The following ZC3HAV1 variants were observed in gnomAD, a reference collection of about 807,000 sequenced individuals.
ZC3HAV1 encodes the protein zinc finger CCCH-type containing, antiviral 1, also known as zinc finger CCCH-type antiviral protein 1.
ZC3HAV1 carries 41 observed loss-of-function variants against 86.6 expected under a neutral mutation model. The observed-to-expected ratio is 0.47, with a 90% confidence interval of 0.37 to 0.61. The LOEUF is 0.61. Among genes scored for constraint, ZC3HAV1 ranks in the 20% least tolerant of loss-of-function variants. The pLI is 0.00. For synonymous variants in ZC3HAV1, 421 were observed against 432.1 expected (o/e 0.97, Z 0.32); for missense variants, 964 against 1,141.1 (o/e 0.84, Z 2.24).
intron 1 of ZC3HAV1, among the ~76,000 whole-genome samples, chr7:139,095,555 C>T (rs557297449): frequency 6.6e-6 from 1 of 152,256 alleles, no homozygotes; most frequent in African/African-American, 2.4e-5. Flanking sequence ...CAGCCTGCAC[C>T]GAGGAGGAAG....
At chr7:139,103,729 A>G (rs144687063) in intron 1 of ZC3HAV1, among the ~76,000 whole-genome samples, 240 of 152,334 alleles carry the variant, frequency 1.6e-3, no homozygotes, top group African/African-American at 5.6e-3. Context: ...GAAATATACT[A>G]TATATCCATT....
In ZC3HAV1 at chr7:139,047,493, TGA is replaced by T; in HGVS notation, c.*99_*100del. ...CCACTGATCTAAGACATTAGATAAC[TGA>T]GCAGGAAAATATAAAACTTTAACTC... On this transcript the variant is annotated 3_prime_UTR_variant, in exon 13 of 13. Coordinates refer to ENST00000242351, the MANE Select transcript of ZC3HAV1 (RefSeq NM_020119.4). 1 of 1,525,128 alleles carries T rather than the reference TGA, an allele frequency of 6.6e-7. No individual in the cohort carries two copies. Among genetic ancestry groups the T allele is most frequent in the South Asian group, 1.2e-5 (1 of 83,174 alleles). 94.5% of individuals were successfully genotyped at this position (1,525,128 alleles called of 1,614,324 possible).
rs1360048448 is a variant in ZC3HAV1 at position 139,108,092 on chromosome 7, C to T, written c.308+932G>A. ...TGAGTTTGACTCCATGGACAGGACA[C>T]ACGCGGGAGAGGAAGGGCTTGGGAT... is the stretch of plus-strand genomic sequence containing the variant. On this transcript the variant is annotated intron_variant, in intron 1 of 12. Coordinates refer to ENST00000242351, the MANE Select transcript of ZC3HAV1 (RefSeq NM_020119.4). This position sits in a 1 kb window ranked among gnomAD's most constrained non-coding sequence, Gnocchi z 4.2. 6.6e-6 allele frequency among the ~76,000 whole-genome samples: 1 copy of T among 152,102 alleles called. No homozygotes were observed. The highest frequency in any genetic ancestry group is 1.5e-5 in the Non-Finnish European group (1 of 68,022).
chr7:139,058,448 C>A (rs943930244), intron 9 of ZC3HAV1, among the ~76,000 whole-genome samples: 5 of 147,440 alleles, frequency 3.4e-5, no homozygotes, highest in South Asian at 2.2e-4. Flanking sequence ...CAACCCCCCC[C>A]CCCCCCACAA....
intron 1 of ZC3HAV1, among the ~76,000 whole-genome samples, chr7:139,097,410 A>ATTTTTTT (rs1563140546): frequency 6.8e-5 from 5 of 73,120 alleles, no homozygotes; most frequent in Non-Finnish European, 4.9e-5. Context: ...CCATATATAT[A>ATTTTTTT]TATATATATA....
At chr7:139,053,816 G>C in intron 11 of ZC3HAV1, 149 bp downstream of exon 11, 1 of 910,682 alleles carries the variant, frequency 1.1e-6, no homozygotes, top group Non-Finnish European at 1.5e-6. Context: ...AGAAGCCAGA[G>C]TTGATAGAAT....
chr7:139,052,920 CAA>C (rs58092347), intron 12 of ZC3HAV1, among the ~76,000 whole-genome samples: 13,086 of 120,566 alleles, frequency 0.11, 1,156 homozygotes, highest in African/African-American at 0.27. Context: ...GACCCTGTCT[CAA>C]AAAAAAAAAA....
At chr7:139,088,344 T>C (rs1333700444) in intron 2 of ZC3HAV1, among the ~76,000 whole-genome samples, 1 of 152,218 alleles carries the variant, frequency 6.6e-6, no homozygotes, top group Non-Finnish European at 1.5e-5. Flanking sequence ...AGAAACTACA[T>C]TTCCCAGACT....
rs3839657 is a variant in ZC3HAV1 at position 139,070,099 on chromosome 7, A to AT, written c.1872+3756dup. Among the ~76,000 whole-genome samples, 51 of 148,578 alleles carry AT rather than the reference A, an allele frequency of 3.4e-4. No homozygotes were observed. The East Asian group carries it at 4.3e-3, about 13-fold the overall frequency. The stretch of plus-strand genomic sequence containing the variant: ...TAAACCCAGGGCCTGATTTTTCCTT[A>AT]TTTTTTTTTTTAATAACTAGAGCCA... On this transcript the variant is annotated intron_variant, in intron 7 of 12. Transcript: ENST00000242351.
chr7:139,068,441 G>A (rs1353866285), intron 7 of ZC3HAV1, among the ~76,000 whole-genome samples: 1 of 152,172 alleles, frequency 6.6e-6, no homozygotes, highest in Non-Finnish European at 1.5e-5. Flanking sequence ...TGCACCTGCT[G>A]TTTTTCAAGT....
intron 6 of ZC3HAV1, among the ~76,000 whole-genome samples, chr7:139,074,424 T>C (rs1406167109): frequency 6.6e-6 from 1 of 152,174 alleles, no homozygotes; most frequent in South Asian, 2.1e-4. Flanking sequence ...AAGGTTAAAG[T>C]GATTTTCATA....
chr7:139,060,741 T>C (rs1037265153), intron 9 of ZC3HAV1: 3 of 1,241,072 alleles, frequency 2.4e-6, no homozygotes, highest in Non-Finnish European at 3.1e-6. Context: ...ATTCCTTAGG[T>C]GTACTGCATC....
chr7:139,080,122 T>C lies in ZC3HAV1; in HGVS notation c.819A>G (p.Thr273=). 6.2e-7 allele frequency: 1 copy of C among 1,614,140 alleles called. No individual in the cohort carries two copies. The highest frequency in any genetic ancestry group is 8.5e-7 in the Non-Finnish European group (1 of 1,180,022). The change falls in exon 4 of 13, where the codon ACA becomes ACG. Residue 273 remains threonine, a synonymous_variant. Transcript: ENST00000242351. ...TGTGGCTGATCTGATCTGGACTAGG[T>C]GTGCAGGACCTCTCAGCAGACGCTG... ...SASASAERSC[T]PSPDQISHRA...
Position 139,053,555 on chromosome 7 carries a change from C to T in ZC3HAV1, c.2345G>A (p.Gly782Glu), listed in dbSNP as rs771420015. ...GCTTGTCGCATAAAATAGGAGTTTT[C>T]CTTCTTCCTTCATCTGCGATTTCTT... ...TWKKSQMKEEGKLLFYATSRA... is the reference protein window; with the variant it reads ...TWKKSQMKEEEKLLFYATSRA... Residue 782 changes from glycine to glutamate, a missense_variant, in exon 12 of 13, where the codon GGA becomes GAA. Gly to Glu is a moderately conservative substitution (Grantham distance 98). Transcript: ENST00000242351. 185 of 1,599,560 alleles carry T rather than the reference C, an allele frequency of 1.2e-4. No individual in the cohort carries two copies. The highest frequency in any genetic ancestry group is 1.5e-4 in the Non-Finnish European group (181 of 1,174,922).
chr7:139,088,136 T>C (rs964607289), intron 2 of ZC3HAV1, among the ~76,000 whole-genome samples: 1 of 152,134 alleles, frequency 6.6e-6, no homozygotes, highest in African/African-American at 2.4e-5. Flanking sequence ...ATTATGTTTC[T>C]ATGCCTCTCT....
At position 139,086,842 on chromosome 7, in the gene ZC3HAV1, G is replaced by A. The variant is rs377326303; in HGVS notation, c.444+2782C>T. Among the ~76,000 whole-genome samples the A allele has an allele frequency of 2.6e-5, 4 of 152,198 alleles. No homozygotes were observed. The East Asian group carries it at 5.8e-4, about 22-fold the overall frequency. On this transcript the variant is annotated intron_variant, in intron 2 of 12. Transcript: ENST00000242351. ...ACTTCTCTTGCTTGCCACCATGTAA[G>A]ATGTTCCTGTTTTGCCGTCCACCAC...
At chr7:139,056,390 TTC>T (rs1054924367) in intron 9 of ZC3HAV1, among the ~76,000 whole-genome samples, 4 of 111,722 alleles carry the variant, frequency 3.6e-5, no homozygotes, top group African/African-American at 1.1e-4. Flanking sequence ...TTTTTTTTTT[TTC>T]CTTTTTCTTT....
At chr7:139,073,772 T>G in intron 7 of ZC3HAV1, 84 bp downstream of exon 7, 21 of 1,396,128 alleles carry the variant, frequency 1.5e-5, no homozygotes, top group South Asian at 2.9e-5. Flanking sequence ...CTTACAGGCA[T>G]GAGCCACCGT....
rs758676794 is a variant in ZC3HAV1, at chr7:139,109,048, C to A, written c.284G>T (p.Arg95Leu). The change falls in exon 1 of 13, where the codon CGG becomes CTG. Residue 95 changes from arginine to leucine, a missense_variant. Physicochemically the swap from Arg to Leu is moderately radical, Grantham distance 102 (BLOSUM62 -2). Transcript: ENST00000242351. Reference protein sequence around the residue: ...LHLCKLNLLGRCNYSQSERNL... With the variant: ...LHLCKLNLLGLCNYSQSERNL... ...CCGCTCGGACTGCGAATAGTTGCACCGGCCCAGCAAGTTGAGTTTGCAGAG... is the reference window on the plus strand; with the variant it reads ...CCGCTCGGACTGCGAATAGTTGCACAGGCCCAGCAAGTTGAGTTTGCAGAG... 2 of 1,578,768 alleles carry A rather than the reference C, an allele frequency of 1.3e-6. No homozygotes were observed. Among genetic ancestry groups the A allele is most frequent in the Non-Finnish European group, 8.6e-7 (1 of 1,159,004 alleles).
Sources: gnomAD v4.1 joint callset for allele counts (sites outside exome capture counted in the v4.1 genomes callset) on GRCh38, gnomAD v4.1.1 for gene constraint, Gnocchi (gnomAD v3.1) non-coding constraint, MANE v1.5 for transcripts, NCBI Gene and HGNC (gene_info 2026-07-23, HGNC 2026-07-21) for gene names.